The following GNL3L variants were observed in gnomAD, a reference collection of about 807,000 sequenced individuals.
GNL3L encodes G protein nucleolar 3 like.
In GNL3L, 4 loss-of-function variants were observed where a neutral mutation model predicts 42.9. That is an observed-to-expected ratio of 0.09 (90% CI 0.05 to 0.21). The LOEUF (loss-of-function observed/expected upper bound fraction) is 0.21, where lower values mean the gene tolerates loss of function less well. Ranked by LOEUF, GNL3L falls within the 10% of genes least tolerant of loss-of-function variation. The pLI is 1.00. For synonymous variants in GNL3L, 159 were observed against 176.3 expected (o/e 0.90, Z 0.78); for missense variants, 412 against 481.7 (o/e 0.86, Z 1.36).
intron 16 of GNL3L, among the ~76,000 whole-genome samples, chrX:54,588,095 C>G (rs1925812061): frequency 8.9e-6 from 1 of 111,954 alleles, no homozygotes; most frequent in African/African-American, 3.2e-5. Flanking sequence ...CTAATGTGTA[C>G]TAGGAGATAT....
At chrX:54,641,821 G>A in the GNL3L span, among the ~76,000 whole-genome samples, 1 of 109,476 alleles carries the variant, frequency 9.1e-6, no homozygotes, top group African/African-American at 3.5e-5. Flanking sequence ...CCAGGATGCT[G>A]GGTAGGTGGG....
rs1569542619 is a variant in GNL3L at position 54,607,066 on chromosome X, T to TTC, written c.*46-13777_*46-13776dup. Among the ~76,000 whole-genome samples the TTC allele has an allele frequency of 8.0e-3, 450 of 56,287 alleles. 24 individuals are homozygous for TTC. The highest frequency in any genetic ancestry group is 0.043 in the African/African-American group (395 of 9,089). 48.9% of individuals were successfully genotyped at this position (56,287 alleles called of 115,157 possible). A position where few individuals can be genotyped will look rare whatever the true frequency, so the allele number is the denominator to read the frequency against. On this transcript the variant is annotated intron_variant, in intron 16 of 16. Coordinates refer to the GNL3L transcript ENST00000674498. Reference sequence around the variant, plus strand: ...TTTCTTTCTTTCTTTCTTTCTTTCTTTCTTTCTCTTTCTTTCTTCTTTCTT... The same window carrying TTC: ...TTTCTTTCTTTCTTTCTTTCTTTCTTTCTCTTTCTCTTTCTTTCTTCTTTCTT...
chrX:54,550,510 CAG>C (rs1448962671), intron 9 of GNL3L, among the ~76,000 whole-genome samples: 1 of 111,429 alleles, frequency 9.0e-6, no homozygotes, highest in Non-Finnish European at 1.9e-5. Flanking sequence ...GAATGGCTGA[CAG>C]ATGCACAAAC....
chrX:54,538,150 C>G (rs946096003), intron 2 of GNL3L, among the ~76,000 whole-genome samples: 10 of 110,590 alleles, frequency 9.0e-5, no homozygotes, highest in African/African-American at 3.3e-4. Context: ...CAGATCACAC[C>G]ACTGCACTCC....
the GNL3L span, among the ~76,000 whole-genome samples, chrX:54,641,843 G>A: frequency 1.7e-4 from 19 of 111,857 alleles, no homozygotes; most frequent in Non-Finnish European, 3.4e-4. Flanking sequence ...GCAGCATTAT[G>A]AATCAGGTCA....
intron 16 of GNL3L, among the ~76,000 whole-genome samples, chrX:54,598,689 A>G (rs1925967162): frequency 9.0e-6 from 1 of 111,708 alleles, no homozygotes; most frequent in African/African-American, 3.2e-5. Flanking sequence ...GAGACATATA[A>G]ATTCTTCAAA....
At chrX:54,545,588 C>A (rs1328134938) in intron 8 of GNL3L, among the ~76,000 whole-genome samples, 6 of 111,549 alleles carry the variant, frequency 5.4e-5, no homozygotes, top group Admixed American at 9.6e-5. Flanking sequence ...CCAATTATAT[C>A]ATTAATAGAG....
At chrX:54,629,566 T>G in the GNL3L span, among the ~76,000 whole-genome samples, 1 of 112,392 alleles carries the variant, frequency 8.9e-6, no homozygotes, top group African/African-American at 3.2e-5. Flanking sequence ...TTACATTTAT[T>G]GACTTGTATA....
chrX:54,534,086 G>A (rs1325843959), intron 2 of GNL3L, among the ~76,000 whole-genome samples: 1 of 86,202 alleles, frequency 1.2e-5, no homozygotes, highest in Non-Finnish European at 2.0e-5. Context: ...TTTCTATGTT[G>A]TCCAGGCTGG....
At position 54,543,340 on chromosome X, in the gene GNL3L, T is replaced by C. The variant is rs770348801; in HGVS notation, c.524T>C (p.Ile175Thr). 7 of 1,208,713 alleles carry C rather than the reference T, an allele frequency of 5.8e-6. No individual in the cohort carries two copies. The highest frequency in any genetic ancestry group is 7.8e-6 in the Non-Finnish European group (7 of 894,570). The change falls in exon 7 of 16, where the codon ATT (isoleucine) becomes ACT (threonine). Residue 175 changes from isoleucine (I) to threonine (T), a missense_variant and splice_region_variant. Ile to Thr is a moderately conservative substitution (Grantham distance 89). Transcript: ENST00000360845. ...NKKLVLVLNKIDLVPKEVVEK... is the reference protein window; with the variant it reads ...NKKLVLVLNKTDLVPKEVVEK... ...AAGCTGGTCCTGGTCTTGAACAAGA[T>C]TGGTGGGTGTTAGGCAGGATTGGGT...
At chrX:54,593,242 C>G (rs1382934278) in intron 16 of GNL3L, among the ~76,000 whole-genome samples, 1 of 111,600 alleles carries the variant, frequency 9.0e-6, no homozygotes, top group East Asian at 2.8e-4. Context: ...AGCAGTGAAG[C>G]CTTCAGGTTC....
intron 16 of GNL3L, among the ~76,000 whole-genome samples, chrX:54,578,572 G>T (rs1010047804): frequency 1.8e-5 from 2 of 111,941 alleles, no homozygotes; most frequent in Non-Finnish European, 3.8e-5. Flanking sequence ...AAGTATGTAG[G>T]CTTTTGTTTA....
intron 16 of GNL3L, among the ~76,000 whole-genome samples, chrX:54,619,071 C>G (rs1380813313): frequency 1.8e-5 from 2 of 111,532 alleles, no homozygotes; most frequent in East Asian, 5.6e-4. Flanking sequence ...CTGGCAGAAC[C>G]TTTTGGAGGC....
At chrX:54,596,696 G>A (rs954761967) in intron 16 of GNL3L, among the ~76,000 whole-genome samples, 5 of 111,635 alleles carry the variant, frequency 4.5e-5, no homozygotes, top group Non-Finnish European at 9.4e-5. Context: ...GGGAGCCAGG[G>A]ACTGGAGTCA....
Position 54,551,960 on chromosome X carries a change from A to C in GNL3L, c.1167A>C (p.Leu389=), listed in dbSNP as rs1283484072. The part of the protein sequence containing the change: ...YSQEQAAKAV[L]ADWVSGKISF... ...AGGAACAGGCGGCCAAAGCTGTCCT[A>C]GCTGACTGGGTGAGGTGAGGAGGGG... is the stretch of plus-strand genomic sequence containing the variant. The change falls in exon 12 of 16, where the codon CTA becomes CTC. Residue 389 remains leucine (L), a synonymous_variant. Transcript: ENST00000360845. 1 of 1,210,239 alleles carries C rather than the reference A, an allele frequency of 8.3e-7. No homozygotes were observed. Among genetic ancestry groups the C allele is most frequent in the African/African-American group, 1.7e-5 (1 of 57,441 alleles).
the GNL3L span, among the ~76,000 whole-genome samples, chrX:54,628,789 G>A: frequency 9.3e-6 from 1 of 107,464 alleles, no homozygotes; most frequent in South Asian, 4.0e-4. Flanking sequence ...TGCATAGTTT[G>A]CAGGTATTTT....
intron 16 of GNL3L, among the ~76,000 whole-genome samples, chrX:54,587,889 C>G (rs1366126838): frequency 9.0e-6 from 1 of 111,174 alleles, no homozygotes; most frequent in Non-Finnish European, 1.9e-5. Context: ...CCATGTTGGC[C>G]AGGCTGGTCT....
chrX:54,601,199 G>T (rs1926001969), intron 16 of GNL3L, among the ~76,000 whole-genome samples: 1 of 109,949 alleles, frequency 9.1e-6, no homozygotes, highest in African/African-American at 3.3e-5. Flanking sequence ...TGGGGGGTGA[G>T]TTGGGGGCAT....
intron 2 of GNL3L, among the ~76,000 whole-genome samples, chrX:54,536,225 G>A (rs913704501): frequency 9.2e-6 from 1 of 108,628 alleles, no homozygotes; most frequent in African/African-American, 3.3e-5. Flanking sequence ...TGTTGGGCAG[G>A]CTGGTCTCAA....
Sources: allele counts gnomAD v4.1 joint callset (sites outside exome capture counted in the v4.1 genomes callset), GRCh38; gene constraint gnomAD v4.1.1; transcripts MANE v1.5; gene names NCBI Gene and HGNC (gene_info 2026-07-23, HGNC 2026-07-21).